The following MADD variants were observed in gnomAD, a reference collection of about 807,000 sequenced individuals.
MADD encodes the protein MAP kinase-activating death domain protein.
A neutral mutation model predicts 176.7 loss-of-function variants in MADD; 109 were observed. That is an observed-to-expected ratio of 0.62 (90% confidence interval 0.53 to 0.72). MADD has a LOEUF of 0.72. Among genes scored for constraint, MADD ranks in the 30% least tolerant of loss-of-function variants. The probability of loss-of-function intolerance (pLI) is 0.00; values close to 1 mark genes in which losing one functional copy is unlikely to be tolerated. For missense variants in MADD, 1,914 were observed against 2,045.5 expected (o/e 0.94, Z 1.24); for synonymous variants, 771 against 771.3 (o/e 1.00, Z 0.01).
exon 33 of MADD, chr11:47,329,288 GGT>G: frequency 1.5e-6 from 1 of 686,112 alleles, no homozygotes; most frequent in African/African-American, 1.7e-5. Flanking sequence ...TGGCTTGGTT[GGT>G]TACCGGTTAT....
intron 5 of MADD, among the ~76,000 whole-genome samples, chr11:47,277,088 C>T (rs2050676327): frequency 6.6e-6 from 1 of 152,230 alleles, no homozygotes; most frequent in African/African-American, 2.4e-5. Flanking sequence ...GGCTACACTG[C>T]AGCAGGTGTT....
chr11:47,317,421 C>T (rs2093386516), intron 27 of MADD, among the ~76,000 whole-genome samples: 1 of 152,182 alleles, frequency 6.6e-6, no homozygotes, highest in African/African-American at 2.4e-5. Context: ...GTAATACCCC[C>T]TTTGCCATTA....
At chr11:47,295,402 G>C in intron 20 of MADD, 94 bp from the exon 23 acceptor site, 1 of 968,712 alleles carries the variant, frequency 1.0e-6, no homozygotes, top group African/African-American at 1.6e-5. Flanking sequence ...TAACAGAAGG[G>C]TGGGGATGAG....
At chr11:47,302,806 C>G (rs2061084947) in intron 22 of MADD, among the ~76,000 whole-genome samples, 1 of 151,724 alleles carries the variant, frequency 6.6e-6, no homozygotes, top group Admixed American at 6.6e-5. Context: ...TAATTGTTTT[C>G]TGATTATTTT....
At chr11:47,322,425 G>A (rs2094617584) in intron 27 of MADD, among the ~76,000 whole-genome samples, 1 of 151,944 alleles carries the variant, frequency 6.6e-6, no homozygotes, top group African/African-American at 2.4e-5. Context: ...TGCTAACACG[G>A]TGAAACCCCG....
rs115678991 is a variant in MADD, at chr11:47,285,362, T to C, written c.2412-89T>C. On this transcript the variant is annotated intron_variant, in intron 13 of 32. Transcript: ENST00000402192. ...GGGCTTAGGAATTACGGGAAGGGAGTGGCAACTGTAGTATAGCATAATTAT... is the reference window on the plus strand; with the variant it reads ...GGGCTTAGGAATTACGGGAAGGGAGCGGCAACTGTAGTATAGCATAATTAT... 1.8e-3 allele frequency: 2,812 copies of C among 1,573,108 alleles called. 56 individuals are homozygous for C. In the African/African-American group the frequency reaches 0.035, roughly 20 times the overall value.
At chr11:47,281,315 G>A (rs2056505955) in intron 7 of MADD, among the ~76,000 whole-genome samples, 1 of 152,204 alleles carries the variant, frequency 6.6e-6, no homozygotes, top group South Asian at 2.1e-4. Flanking sequence ...AAGTTGCCTT[G>A]AGCTAGGTTG....
chr11:47,295,317 CT>C (rs947928790), intron 20 of MADD, among the ~76,000 whole-genome samples, 178 bp from the exon 23 acceptor site: 2 of 151,906 alleles, frequency 1.3e-5, no homozygotes, highest in African/African-American at 4.8e-5. Context: ...CGGCCTATTT[CT>C]TTTTTTTATT....
At chr11:47,283,025 C>T (rs1016980621) in intron 10 of MADD, 56 bp downstream of exon 10, 8 of 1,562,408 alleles carry the variant, frequency 5.1e-6, no homozygotes, top group Middle Eastern at 4.5e-4. Flanking sequence ...TCTCACTAGC[C>T]CTTCTTTAGC....
At chr11:47,306,206 GGCTCT>G (rs1166941843) in intron 22 of MADD, among the ~76,000 whole-genome samples, 1 of 152,094 alleles carries the variant, frequency 6.6e-6, no homozygotes, top group East Asian at 1.9e-4. Context: ...TAGGTGGAGT[GGCTCT>G]GCCTCCACTT....
exon 8 of MADD, chr11:47,281,708 C>T: frequency 6.2e-7 from 1 of 1,613,386 alleles, no homozygotes; most frequent in Non-Finnish European, 8.5e-7. Context: ...GAATTCAACC[C>T]ACTCATCTAT....
At chr11:47,269,522 C>T (rs1290551097), upstream of MADD, 1 of 152,324 alleles carries the variant, frequency 6.6e-6, no homozygotes, top group African/African-American at 2.4e-5. Context: ...AAGAGAAGAG[C>T]CGTGTGGCCG....
Position 47,326,908 on chromosome 11 carries a change from T to G in MADD, c.4612+101T>G, listed in dbSNP as rs1013028920. 110 of 1,543,688 alleles carry G rather than the reference T, an allele frequency of 7.1e-5. No individual in the cohort carries two copies. The Middle Eastern group carries it at 1.9e-3, about 27-fold the overall frequency. ...TAGGGGCAGGGAGAAGAAGAACCTC[T>G]GTAGAGAAGTCAGGAGGAGCAGGAG... On this transcript the variant is annotated intron_variant, in intron 31 of 32. Transcript: ENST00000402192.
At chr11:47,302,817 G>T (rs747675369) in intron 22 of MADD, among the ~76,000 whole-genome samples, 1 of 151,978 alleles carries the variant, frequency 6.6e-6, no homozygotes, top group African/African-American at 2.4e-5. Flanking sequence ...TGATTATTTT[G>T]TATGTCCTTT....
chr11:47,281,465 A>G (rs1353948980), intron 7 of MADD, 110 bp from the exon 8 acceptor site: 6 of 797,974 alleles, frequency 7.5e-6, no homozygotes, highest in Admixed American at 3.1e-5. Flanking sequence ...GAACTTTTTG[A>G]CCAGAGAATA....
At chr11:47,326,639 C>G in intron 30 of MADD, 87 bp downstream of exon 34, 1 of 1,532,142 alleles carries the variant, frequency 6.5e-7, no homozygotes, top group Non-Finnish European at 8.8e-7. Flanking sequence ...GGGAAATAGA[C>G]TTTCTTTGTG....
At chr11:47,306,646 G>T (rs55764401) in intron 22 of MADD, among the ~76,000 whole-genome samples, 1 of 151,810 alleles carries the variant, frequency 6.6e-6, no homozygotes, top group Non-Finnish European at 1.5e-5. Context: ...AAGGGGGATG[G>T]GGGGGAGGCC....
intron 21 of MADD, 115 bp downstream of exon 23, chr11:47,295,694 T>A: frequency 2.6e-6 from 4 of 1,562,028 alleles, no homozygotes; most frequent in Non-Finnish European, 3.5e-6. Flanking sequence ...ATGGTTCTCA[T>A]GGTGGAGATG....
At chr11:47,328,988 C>T (rs1565606853) in intron 32 of MADD, 58 bp from the exon 37 acceptor site, 1 of 1,399,834 alleles carries the variant, frequency 7.1e-7, no homozygotes. Flanking sequence ...GCAGATCCTT[C>T]ACATATGGAG....
Sources: gnomAD v4.1 joint callset for allele counts (sites outside exome capture counted in the v4.1 genomes callset) on GRCh38, gnomAD v4.1.1 for gene constraint, MANE v1.5 for transcripts, NCBI Gene and HGNC (gene_info 2026-07-23, HGNC 2026-07-21) for gene names.